XKR9: variants seen among roughly 807,000 people sequenced by gnomAD.
XKR9 encodes XK related 9.
Under a neutral mutation model 32.0 loss-of-function variants are expected in XKR9, and 32 were observed. The ratio of observed to expected loss-of-function variants is 1.00; its 90% CI spans 0.76 to 1.34. The LOEUF (loss-of-function observed/expected upper bound fraction) is 1.34, where lower values mean the gene tolerates loss of function less well. Ranked by LOEUF, XKR9 falls within the 40% of genes most tolerant of loss-of-function variation. The probability of loss-of-function intolerance (pLI) is 0.00; values close to 1 mark genes in which losing one functional copy is unlikely to be tolerated. For missense variants in XKR9, 546 were observed against 429.7 expected (o/e 1.27, Z -2.39); for synonymous variants, 168 against 143.4 (o/e 1.17, Z -1.22).
At chr8:70,703,142 G>GT (rs1340459004) in intron 3 of XKR9, among the ~76,000 whole-genome samples, 2 of 147,070 alleles carry the variant, frequency 1.4e-5, no homozygotes, top group African/African-American at 5.0e-5. Flanking sequence ...TGTAACAAAT[G>GT]TTTTGGGTTA....
At chr8:70,883,374 G>A in the XKR9 span, among the ~76,000 whole-genome samples, 1 of 151,706 alleles carries the variant, frequency 6.6e-6, no homozygotes, top group Non-Finnish European at 1.5e-5. Flanking sequence ...TAATCTACTT[G>A]TTGGTCAATA....
the XKR9 span, among the ~76,000 whole-genome samples, chr8:70,918,987 C>A: frequency 6.6e-6 from 1 of 151,910 alleles, no homozygotes; most frequent in South Asian, 2.1e-4. Context: ...CTGTGTTTGC[C>A]AGGATGGTCT....
chr8:70,765,298 G>A (rs976871003), intron 2 of XKR9, among the ~76,000 whole-genome samples: 4 of 152,206 alleles, frequency 2.6e-5, no homozygotes, highest in Non-Finnish European at 5.9e-5. Flanking sequence ...ACTGGCGTGA[G>A]ATGGTATCTC....
Position 70,776,954 on chromosome 8 carries a change from T to TATATATATATATATATATATATATATAC in XKR9, n.353-12375_353-12374insATATATATATATATATACATATATATAT, listed in dbSNP as rs1286110884. Reference sequence around the variant, plus strand: ...CTCTCTCTCTCTCTCTCTCTATATATATATATATATGTATGTATTATACTT... The same window carrying TATATATATATATATATATATATATATAC: ...CTCTCTCTCTCTCTCTCTCTATATATATATATATATATATATATATATATATACATATATATATGTATGTATTATACTT... On this transcript the variant is annotated intron_variant and non_coding_transcript_variant, in intron 2 of 3. Coordinates refer to the XKR9 transcript ENST00000520273. Among the ~76,000 whole-genome samples, 228 of 88,206 alleles carry TATATATATATATATATATATATATATAC rather than the reference T, an allele frequency of 2.6e-3. 1 individual carries two copies. The highest frequency in any genetic ancestry group is 4.0e-3 in the Non-Finnish European group (135 of 33,644). The allele number at this position is 88,206 out of a possible 152,430, so 57.9% of individuals were successfully genotyped here. A position where few individuals can be genotyped will look rare whatever the true frequency, so the allele number is the denominator to read the frequency against.
At chr8:70,952,724 G>T in the XKR9 span, among the ~76,000 whole-genome samples, 16 of 152,068 alleles carry the variant, frequency 1.1e-4, no homozygotes, top group Admixed American at 1.0e-3. Context: ...GAAATAGGTG[G>T]GGTATATTTA....
At chr8:70,725,974 T>C (rs1007795501) in intron 4 of XKR9, among the ~76,000 whole-genome samples, 1 of 152,114 alleles carries the variant, frequency 6.6e-6, no homozygotes, top group Non-Finnish European at 1.5e-5. Flanking sequence ...TGAAAAAAAC[T>C]ACAAATGGAT....
chr8:70,763,328 T>C (rs1807332403), intron 2 of XKR9, among the ~76,000 whole-genome samples: 1 of 152,202 alleles, frequency 6.6e-6, no homozygotes, highest in Admixed American at 6.5e-5. Context: ...GTTTGTGGAC[T>C]CTTTTGGCCT....
chr8:70,685,654 T>C (rs1819245683), intron 3 of XKR9, among the ~76,000 whole-genome samples: 1 of 147,220 alleles, frequency 6.8e-6, no homozygotes, highest in African/African-American at 2.5e-5. Flanking sequence ...AAACACCGCA[T>C]GTTCTCACTC....
At chr8:70,773,583 G>T (rs1483970170) in intron 2 of XKR9, among the ~76,000 whole-genome samples, 3 of 152,180 alleles carry the variant, frequency 2.0e-5, no homozygotes, top group Admixed American at 1.3e-4. Context: ...CTTTTATGAT[G>T]TGTATGGATC....
At chr8:70,712,740 C>G (rs1805962062) in intron 4 of XKR9, among the ~76,000 whole-genome samples, 1 of 152,082 alleles carries the variant, frequency 6.6e-6, no homozygotes, top group Non-Finnish European at 1.5e-5. Context: ...AACAAAGAAA[C>G]AAAAACTCTA....
the XKR9 span, among the ~76,000 whole-genome samples, chr8:70,886,138 G>GTGTT: frequency 7.9e-5 from 12 of 152,180 alleles, no homozygotes; most frequent in African/African-American, 2.7e-4. Flanking sequence ...AGAACATGTG[G>GTGTT]TGTTTGGTTT....
At chr8:70,997,898 G>A in the XKR9 span, among the ~76,000 whole-genome samples, 1 of 152,234 alleles carries the variant, frequency 6.6e-6, no homozygotes, top group East Asian at 1.9e-4. Context: ...GGAACTGATT[G>A]GGATTGTTGC....
At chr8:70,931,977 A>G in the XKR9 span, among the ~76,000 whole-genome samples, 1 of 152,146 alleles carries the variant, frequency 6.6e-6, no homozygotes, top group African/African-American at 2.4e-5. Context: ...CATATCAGGT[A>G]GGTAGGTAGG....
chr8:70,947,296 G>A, the XKR9 span, among the ~76,000 whole-genome samples: 3 of 152,204 alleles, frequency 2.0e-5, no homozygotes, highest in Non-Finnish European at 4.4e-5. Context: ...AACATACTGA[G>A]AACAGTCCCT....
chr8:71,033,189 TC>T, the XKR9 span, among the ~76,000 whole-genome samples: 1 of 152,132 alleles, frequency 6.6e-6, no homozygotes, highest in East Asian at 1.9e-4. Context: ...AAAGGGGAAC[TC>T]TGGAATCAGA....
intron 4 of XKR9, among the ~76,000 whole-genome samples, chr8:70,710,158 T>C (rs1380377590): frequency 2.0e-5 from 3 of 152,114 alleles, no homozygotes; most frequent in African/African-American, 4.8e-5. Context: ...CCATCTGATC[T>C]TCGACAGAGT....
chr8:71,007,460 A>G, the XKR9 span, among the ~76,000 whole-genome samples: 1 of 152,220 alleles, frequency 6.6e-6, no homozygotes, highest in South Asian at 2.1e-4. Context: ...AACAATAAAA[A>G]GCAAAGTGAA....
At chr8:71,018,371 G>A in the XKR9 span, among the ~76,000 whole-genome samples, 1 of 152,108 alleles carries the variant, frequency 6.6e-6, no homozygotes, top group African/African-American at 2.4e-5. Context: ...AGGAAAATGT[G>A]GTATAAGAGA....
chr8:70,987,000 T>A, the XKR9 span, among the ~76,000 whole-genome samples: 1 of 152,182 alleles, frequency 6.6e-6, no homozygotes. Flanking sequence ...TAGAAACCCC[T>A]GATAAAACCA....
Sources: gnomAD v4.1 joint callset for allele counts (sites outside exome capture counted in the v4.1 genomes callset) on GRCh38, gnomAD v4.1.1 for gene constraint, MANE v1.5 for transcripts, NCBI Gene and HGNC (gene_info 2026-07-23, HGNC 2026-07-21) for gene names.